GEMIN4: variants seen among roughly 807,000 people sequenced by gnomAD.
GEMIN4 encodes the protein gem nuclear organelle associated protein 4.
GEMIN4 carries 59 observed loss-of-function variants against 76.8 expected under a neutral mutation model. The observed-to-expected ratio is 0.77, with a 90% confidence interval of 0.62 to 0.95. The LOEUF (loss-of-function observed/expected upper bound fraction) is 0.95. GEMIN4 is among the 40% of genes least tolerant of loss of function. GEMIN4 has a pLI of 0.00. For synonymous variants in GEMIN4, 562 were observed against 559.7 expected, an observed-to-expected ratio of 1.00 and a Z score of -0.06; for missense variants, 1,311 against 1,318.9, an observed-to-expected ratio of 0.99 and a Z score of 0.09.
Position 745,070 on chromosome 17 carries a change from G to A in GEMIN4, c.2973C>T (p.Ala991=). ...QVFCHALHIM[A]MLHPEVCEPL... ...GCTCACAGACCTCCGGGTGGAGCAT[G>A]GCCATGATGTGCAGAGCATGGCAGA... Residue 991 remains alanine, a synonymous_variant, in exon 2 of 2, where the codon GCC becomes GCT. Transcript: ENST00000319004. The surrounding 1 kb of genome is among the most constrained non-coding windows in gnomAD (Gnocchi z 4.6). The A allele has an allele frequency of 6.2e-7, 1 of 1,613,684 alleles. No individual in the cohort carries two copies.
chr17:747,401 G>A lies in GEMIN4; in HGVS notation c.642C>T (p.Pro214=), dbSNP rs887785768. 6 of 1,613,692 alleles carry A rather than the reference G, an allele frequency of 3.7e-6. No individual in the cohort carries two copies. Among genetic ancestry groups the A allele is most frequent in the African/African-American group, 2.7e-5 (2 of 74,932 alleles). Residue 214 remains proline, a synonymous_variant, in exon 2 of 2, where the codon CCC becomes CCT. Transcript: ENST00000319004. The part of the protein sequence containing the change: ...RSDPDACPTM[P]LLAMLLRGLT... ...GCCCGCGGAGCAGCATGGCCAACAG[G>A]GGCATGGTGGGGCACGCGTCTGGGT...
At position 746,850 on chromosome 17, in the gene GEMIN4, G is replaced by C; in HGVS notation, c.1193C>G (p.Ala398Gly). 1 of 1,613,522 alleles carries C rather than the reference G, an allele frequency of 6.2e-7. No homozygotes were observed. The highest frequency in any genetic ancestry group is 8.5e-7 in the Non-Finnish European group (1 of 1,179,546). The change falls in exon 2 of 2, where the codon GCC becomes GGC. Residue 398 changes from alanine to glycine, a missense_variant. By Grantham distance (60) the Ala-to-Gly change is moderately conservative (BLOSUM62 0). This residue lies in a region of GEMIN4 where 1,208 missense variants were observed against 1,166.9 expected (regional missense o/e 1.04). Transcript: ENST00000319004. This position sits in a 1 kb window ranked among gnomAD's most constrained non-coding sequence, Gnocchi z 4.3. Reference sequence around the variant, plus strand: ...AATGGAAGCTGTGATATCCTCCAAGGCCCTGTTCTTCAGCACCGTGCTCGT... The same window carrying C: ...AATGGAAGCTGTGATATCCTCCAAGCCCCTGTTCTTCAGCACCGTGCTCGT... ...RKTSTVLKNR[A>G]LEDITASIAM...
rs1445825642 is a variant in GEMIN4 at position 747,436 on chromosome 17, G to A, written c.607C>T (p.Leu203Phe). ...GGGCACGCGTCTGGGTCTGACCTAAGCCTCTTTGGAGGATGGGGGAACTCA... is the reference window on the plus strand; with the variant it reads ...GGGCACGCGTCTGGGTCTGACCTAAACCTCTTTGGAGGATGGGGGAACTCA... ...LDEFPHPPKRLRSDPDACPTM... is the reference protein window; with the variant it reads ...LDEFPHPPKRFRSDPDACPTM... Residue 203 changes from leucine (L) to phenylalanine (F), a missense_variant, in exon 2 of 2, where the codon CTT (leucine) becomes TTT (phenylalanine). Coordinates refer to ENST00000319004, the MANE Select transcript of GEMIN4 (RefSeq NM_015721.3). 3 of 1,613,806 alleles carry A rather than the reference G, an allele frequency of 1.9e-6. No homozygotes were observed. The highest frequency in any genetic ancestry group is 2.5e-6 in the Non-Finnish European group (3 of 1,179,884).
Position 746,950 on chromosome 17 carries a change from G to T in GEMIN4, c.1093C>A (p.Arg365Ser), listed in dbSNP as rs751295167. ...CTGTCCTCCTTGGACAGGCTGGTGC[G>T]GTTCAGGTAGAGCGTCGCGTTCTGG... ...FSQNATLYLN[R>S]TSLSKEDRQV... is the part of the protein sequence containing the mutation. Residue 365 changes from arginine (R) to serine (S), a missense_variant, in exon 2 of 2, where the codon CGC (arginine) becomes AGC (serine). Physicochemically the swap from Arg to Ser is moderately radical, Grantham distance 110. Around this residue, in one of 2 missense-constraint regions of GEMIN4, gnomAD observed 1,208 missense variants for 1,166.9 expected, o/e 1.04. Coordinates refer to ENST00000319004, the MANE Select transcript of GEMIN4 (RefSeq NM_015721.3). This position sits in a 1 kb window ranked among gnomAD's most constrained non-coding sequence, Gnocchi z 4.3. 5.0e-6 allele frequency: 8 copies of T among 1,613,374 alleles called. No individual in the cohort carries two copies. The highest frequency in any genetic ancestry group is 6.8e-6 in the Non-Finnish European group (8 of 1,179,786).
intron 1 of GEMIN4, chr17:749,840 C>T: frequency 1.0e-6 from 1 of 993,918 alleles, no homozygotes; most frequent in Non-Finnish European, 1.2e-6. Flanking sequence ...AAACATTCTT[C>T]TAGCTTTCAG....
chr17:752,712 C>G (rs1194480714), upstream of GEMIN4: 3 of 813,322 alleles, frequency 3.7e-6, no homozygotes, highest in Non-Finnish European at 4.5e-6. Flanking sequence ...CCAGAAAATG[C>G]GCCGTGTGAG....
At chr17:753,962 G>A (rs979040441), upstream of GEMIN4, 1 of 152,270 alleles carries the variant, frequency 6.6e-6, no homozygotes, top group Non-Finnish European at 1.5e-5. Context: ...GGCCTACCCG[G>A]TTCATGTTTT....
rs1385817837 is a variant in GEMIN4, at chr17:747,154, C to G, written c.889G>C (p.Glu297Gln). 8.1e-6 allele frequency: 13 copies of G among 1,613,746 alleles called. No individual in the cohort carries two copies. Among genetic ancestry groups the G allele is most frequent in the Non-Finnish European group, 1.0e-5 (12 of 1,179,890 alleles). The change falls in exon 2 of 2, where the codon GAA becomes CAA. Residue 297 changes from glutamate to glutamine, a missense_variant. By Grantham distance (29) the Glu-to-Gln change is conservative (BLOSUM62 2). Coordinates refer to ENST00000319004, the MANE Select transcript of GEMIN4 (RefSeq NM_015721.3). Reference protein sequence around the residue: ...QALAEKVKEAERDVSLTSLAK... With the variant: ...QALAEKVKEAQRDVSLTSLAK... ...AGCGAGGTCAGGCTGACATCCCGTT[C>G]TGCCTCCTTCACCTTCTCTGCCAGC...
chr17:744,527 C>G lies in GEMIN4; in HGVS notation c.*339G>C, dbSNP rs555311063. On this transcript the variant is annotated 3_prime_UTR_variant, in exon 2 of 2. Coordinates refer to ENST00000319004, the MANE Select transcript of GEMIN4 (RefSeq NM_015721.3). ...AAGTCCAGTTATGAACATGTTCCTC[C>G]TGGCTGGATTTGATCTTGAAGACAC... 1 of 213,576 alleles carries G rather than the reference C, an allele frequency of 4.7e-6. No homozygotes were observed. Among genetic ancestry groups the G allele is most frequent in the African/African-American group, 2.3e-5 (1 of 43,366 alleles). The allele number at this position is 213,576 out of a possible 1,614,324, so 13.2% of individuals were successfully genotyped here. A position where few individuals can be genotyped will look rare whatever the true frequency, so the allele number is the denominator to read the frequency against.
In GEMIN4 at chr17:747,498, A is replaced by G; in HGVS notation, c.545T>C (p.Phe182Ser). The G allele has an allele frequency of 6.2e-7, 1 of 1,613,766 alleles. No individual in the cohort carries two copies. The highest frequency in any genetic ancestry group is 8.5e-7 in the Non-Finnish European group (1 of 1,179,836). Residue 182 changes from phenylalanine to serine, a missense_variant, in exon 2 of 2, where the codon TTT becomes TCT. By Grantham distance (155) the Phe-to-Ser change is radical. This residue lies in a region of GEMIN4 where 1,208 missense variants were observed against 1,166.9 expected (regional missense o/e 1.04). Transcript: ENST00000319004. The stretch of plus-strand genomic sequence containing the variant: ...CAGGTACTTATGGGCCATTGCACTA[A>G]ACTGGGAGAGCAGGGGGTCCTGCGG... ...GHPQDPLLSQ[F>S]SAMAHKYLPA...
At chr17:748,066 T>C (rs1447809399) in intron 1 of GEMIN4, 34 bp from the exon 2 acceptor site, 4 of 1,513,398 alleles carry the variant, frequency 2.6e-6, no homozygotes, top group Admixed American at 4.2e-5. Context: ...GACAGTATAG[T>C]GAAAATGTTT....
chr17:744,647 T>C lies in GEMIN4; in HGVS notation c.*219A>G. ...ATGCGAAAGAGGAGAATTTTTATGA[T>C]AGTTTGTACGTTACAAATACCCAAG... is the stretch of plus-strand genomic sequence containing the variant. On this transcript the variant is annotated 3_prime_UTR_variant, in exon 2 of 2. Transcript: ENST00000319004. 2 of 490,162 alleles carry C rather than the reference T, an allele frequency of 4.1e-6. No individual in the cohort carries two copies. The highest frequency in any genetic ancestry group is 7.1e-6 in the Non-Finnish European group (2 of 280,290). 30.4% of individuals were successfully genotyped at this position (490,162 alleles called of 1,614,324 possible).
At chr17:751,314 G>T in intron 1 of GEMIN4, among the ~76,000 whole-genome samples, 1 of 152,152 alleles carries the variant, frequency 6.6e-6, no homozygotes, top group East Asian at 1.9e-4. Context: ...GGTGGGGCTG[G>T]GAAGCAATTA....
chr17:749,824 G>A, intron 1 of GEMIN4: 1 of 995,218 alleles, frequency 1.0e-6, no homozygotes, highest in African/African-American at 1.7e-5. Context: ...CTTGGGAACA[G>A]GCTTCAAACA....
At chr17:748,563 G>A (rs1904412130) in intron 1 of GEMIN4, 1 of 179,248 alleles carries the variant, frequency 5.6e-6, no homozygotes, top group African/African-American at 2.4e-5. Flanking sequence ...TTAGAAATAG[G>A]AGGACAGTAC....
At chr17:749,346 C>A (rs1298797264) in intron 1 of GEMIN4, 1 of 157,770 alleles carries the variant, frequency 6.3e-6, no homozygotes, top group Non-Finnish European at 1.2e-5. Context: ...AGCAATCACA[C>A]GGCCACAGGG....
At position 746,612 on chromosome 17, in the gene GEMIN4, C is replaced by A. The variant is rs201420720; in HGVS notation, c.1431G>T (p.Arg477=). 9.9e-6 allele frequency: 16 copies of A among 1,613,646 alleles called. No homozygotes were observed. The highest frequency in any genetic ancestry group is 1.4e-5 in the Non-Finnish European group (16 of 1,179,890). Residue 477 remains arginine (R), a synonymous_variant, in exon 2 of 2, where the codon CGG becomes CGT. Transcript: ENST00000319004. The surrounding 1 kb of genome is among the most constrained non-coding windows in gnomAD (Gnocchi z 4.3). ...ADRAIPESQI[R]QVIHLILECY... ...ATTCCAGGATCAGGTGGATCACCTG[C>A]CGGATCTGAGACTCAGGGATGGCTC...
At chr17:750,253 A>G (rs1410532605) in intron 1 of GEMIN4, among the ~76,000 whole-genome samples, 2 of 151,856 alleles carry the variant, frequency 1.3e-5, no homozygotes, top group African/African-American at 2.4e-5. Flanking sequence ...TTCCTTCTGC[A>G]TATGTGGGGA....
chr17:748,312 T>C (rs1904393660), intron 1 of GEMIN4: 1 of 420,792 alleles, frequency 2.4e-6, no homozygotes. Context: ...TGAGGAAAGA[T>C]GAGTTCAGCT....
Sources: allele counts gnomAD v4.1 joint callset (sites outside exome capture counted in the v4.1 genomes callset), GRCh38; gene constraint gnomAD v4.1.1; regional missense constraint gnomAD v4.1.1; non-coding constraint Gnocchi (gnomAD v3.1); transcripts MANE v1.5; gene names NCBI Gene and HGNC (gene_info 2026-07-23, HGNC 2026-07-21).